NFKBIZ: variants seen among roughly 807,000 people sequenced by gnomAD.
The protein encoded by NFKBIZ is NFKB inhibitor zeta, also known as NF-kappa-B inhibitor zeta.
Under a neutral mutation model 76.8 loss-of-function variants are expected in NFKBIZ, and 19 were observed. The ratio of observed to expected loss-of-function variants is 0.25; its 90% CI spans 0.17 to 0.36. The LOEUF is 0.36. Ranked by LOEUF, NFKBIZ falls within the 10% of genes least tolerant of loss-of-function variation. The probability of loss-of-function intolerance (pLI) is 1.00; values close to 1 mark genes in which losing one functional copy is unlikely to be tolerated. For missense variants in NFKBIZ, 829 were observed against 910.9 expected (o/e 0.91, Z 1.16); for synonymous variants, 368 against 354.8 (o/e 1.04, Z -0.42).
chr3:101,829,343 A>G (rs1942611848), intron 1 of NFKBIZ, among the ~76,000 whole-genome samples: 1 of 152,220 alleles, frequency 6.6e-6, no homozygotes, highest in South Asian at 2.1e-4. Flanking sequence ...GACCGAGGTC[A>G]GCATAATCCA....
At chr3:101,833,255 G>C (rs926247009) in intron 2 of NFKBIZ, among the ~76,000 whole-genome samples, 1 of 152,214 alleles carries the variant, frequency 6.6e-6, no homozygotes, top group African/African-American at 2.4e-5. Context: ...AGCTACAAAG[G>C]TGATCCATAG....
At chr3:101,856,991 A>G (rs1446270551) in intron 9 of NFKBIZ, 82 bp from the exon 10 acceptor site, 6 of 979,308 alleles carry the variant, frequency 6.1e-6, no homozygotes, top group Non-Finnish European at 9.3e-6. Flanking sequence ...TCAGACATTC[A>G]GGAGACTGGG....
chr3:101,853,243 G>C lies in NFKBIZ; in HGVS notation c.717G>C (p.Trp239Cys). 6.2e-7 allele frequency: 1 copy of C among 1,614,100 alleles called. No homozygotes were observed. Among genetic ancestry groups the C allele is most frequent in the Non-Finnish European group, 8.5e-7 (1 of 1,180,030 alleles). Residue 239 changes from tryptophan (W) to cysteine (C), a missense_variant, in exon 5 of 12, where the codon TGG becomes TGC. Trp to Cys is a radical substitution (Grantham distance 215). Transcript: ENST00000326172. ...PVSLNTVQVS[W>C]LNPVVVPQSS... ...CCCTGAACACAGTTCAAGTTAGCTG[G>C]CTGAACCCCGTGGTGGTCCCTCAGA...
intron 2 of NFKBIZ, among the ~76,000 whole-genome samples, chr3:101,843,042 A>AC (rs1281423999): frequency 2.1e-4 from 32 of 150,874 alleles, no homozygotes; most frequent in African/African-American, 7.6e-4. Flanking sequence ...AAAAAAAAAA[A>AC]AAAAAACTTC....
Position 101,857,375 on chromosome 3 carries a change from G to A in NFKBIZ, c.2019G>A (p.Met673Ile). Residue 673 changes from methionine to isoleucine, a missense_variant, in exon 11 of 12, where the codon ATG becomes ATA. Met to Ile is a conservative substitution (Grantham distance 10). Transcript: ENST00000326172. ...LTQLDAVRLL[M>I]RKGADPSTRN... ...AATTAGATGCTGTCCGCCTGTTGATGAGGAAGGGAGCAGACCCAAGTACTC... is the reference window on the plus strand; with the variant it reads ...AATTAGATGCTGTCCGCCTGTTGATAAGGAAGGGAGCAGACCCAAGTACTC... 6.2e-7 allele frequency: 1 copy of A among 1,614,258 alleles called. No homozygotes were observed. The highest frequency in any genetic ancestry group is 8.5e-7 in the Non-Finnish European group (1 of 1,180,048).
intron 2 of NFKBIZ, among the ~76,000 whole-genome samples, chr3:101,837,241 T>A (rs1942731738): frequency 6.6e-6 from 1 of 152,162 alleles, no homozygotes; most frequent in South Asian, 2.1e-4. Flanking sequence ...TACTTGTATT[T>A]TATACAGGTG....
chr3:101,845,794 C>T (rs1942842597), upstream of NFKBIZ, among the ~76,000 whole-genome samples: 1 of 152,188 alleles, frequency 6.6e-6, no homozygotes, highest in Non-Finnish European at 1.5e-5. Flanking sequence ...CTTCCAGTAG[C>T]TTTGGATTAG....
chr3:101,855,302 C>G, intron 7 of NFKBIZ, 93 bp from the exon 8 acceptor site: 1 of 1,603,160 alleles, frequency 6.2e-7, no homozygotes. Flanking sequence ...TTGCAATGAT[C>G]TATTTTGAGT....
chr3:101,847,322 G>A (rs925509988), upstream of NFKBIZ, among the ~76,000 whole-genome samples: 2 of 152,178 alleles, frequency 1.3e-5, no homozygotes, highest in Non-Finnish European at 2.9e-5. Flanking sequence ...GAAGTCTTGT[G>A]TTTTCCACAG....
At chr3:101,832,139 A>ATGT (rs1942655666) in intron 2 of NFKBIZ, among the ~76,000 whole-genome samples, 1 of 151,798 alleles carries the variant, frequency 6.6e-6, no homozygotes, top group African/African-American at 2.4e-5. Context: ...GGGGCTTGCT[A>ATGT]TGTTACCCAG....
chr3:101,852,755 A>G lies in NFKBIZ; in HGVS notation c.447A>G (p.Ile149Met), dbSNP rs1241468558. 2 of 1,610,692 alleles carry G rather than the reference A, an allele frequency of 1.2e-6. No individual in the cohort carries two copies. The highest frequency in any genetic ancestry group is 2.2e-5 in the South Asian group (2 of 90,454). The change falls in exon 3 of 12, where the codon ATA becomes ATG. Residue 149 changes from isoleucine to methionine, a missense_variant. Around this residue, in one of 4 missense-constraint regions of NFKBIZ, gnomAD observed 371 missense variants for 332.3 expected, o/e 1.12. Coordinates refer to ENST00000326172, the MANE Select transcript of NFKBIZ (RefSeq NM_031419.4). Reference protein sequence around the residue: ...VDDFKTQGVNIEQFRELKNTV... With the variant: ...VDDFKTQGVNMEQFRELKNTV... ...CTTTATAGACACAAGGTGTGAACAT[A>G]GAACAGTTCAGAGGTAAGAGTTACT... is the stretch of plus-strand genomic sequence containing the variant.
chr3:101,843,931 G>C (rs1308397255), intron 2 of NFKBIZ, among the ~76,000 whole-genome samples: 1 of 152,186 alleles, frequency 6.6e-6, no homozygotes, highest in Non-Finnish European at 1.5e-5. Flanking sequence ...GTGTCCAACA[G>C]AAGTTTCCCA....
rs1943013365 is a variant in NFKBIZ at position 101,854,222 on chromosome 3, A to T, written c.1338-356A>T. ...TGTAGATTGATCTTAATCTGTCCTG[A>T]TGTCTTTGTGGCCTTGGGCAAGTTA... is the stretch of plus-strand genomic sequence containing the variant. On this transcript the variant is annotated intron_variant, in intron 5 of 11. Coordinates refer to ENST00000326172, the MANE Select transcript of NFKBIZ (RefSeq NM_031419.4). Among the ~76,000 whole-genome samples the T allele has an allele frequency of 3.3e-5, 5 of 152,148 alleles. No homozygotes were observed. In the South Asian group the frequency reaches 1.0e-3, roughly 32 times the overall value.
Position 101,860,602 on chromosome 3 carries a change from T to C in NFKBIZ, c.*1231T>C, listed in dbSNP as rs1000415953. On this transcript the variant is annotated 3_prime_UTR_variant, in exon 12 of 12. Coordinates refer to ENST00000326172, the MANE Select transcript of NFKBIZ (RefSeq NM_031419.4). ...AACAAAAAGTCAGTATTGAAACATA[T>C]CTTCCTGTTTTCTGTTGTCAAATGA... The C allele has an allele frequency of 4.6e-5, 7 of 152,188 alleles. No individual in the cohort carries two copies. The highest frequency in any genetic ancestry group is 1.0e-4 in the Non-Finnish European group (7 of 68,020). The allele number at this position is 152,188 out of a possible 1,614,324, so 9.4% of individuals were successfully genotyped here. A position where few individuals can be genotyped will look rare whatever the true frequency, so the allele number is the denominator to read the frequency against.
chr3:101,836,206 A>G (rs1206904916), intron 2 of NFKBIZ, among the ~76,000 whole-genome samples: 1 of 152,200 alleles, frequency 6.6e-6, no homozygotes, highest in Non-Finnish European at 1.5e-5. Flanking sequence ...GGTCAGAGCT[A>G]GTAATAGGAA....
intron 2 of NFKBIZ, among the ~76,000 whole-genome samples, chr3:101,831,213 G>A (rs1942642790): frequency 6.6e-6 from 1 of 152,072 alleles, no homozygotes; most frequent in Non-Finnish European, 1.5e-5. Context: ...ATCTCCAAGA[G>A]GGCAAAAATA....
At chr3:101,829,530 T>C (rs944585347) in intron 1 of NFKBIZ, 1 of 152,192 alleles carries the variant, frequency 6.6e-6, no homozygotes, top group African/African-American at 2.4e-5. Flanking sequence ...CTGAGACCAA[T>C]AATGAATTGC....
At chr3:101,858,361 C>T (rs1022218068) in intron 11 of NFKBIZ, 8 of 974,394 alleles carry the variant, frequency 8.2e-6, no homozygotes, top group Non-Finnish European at 8.5e-6. Context: ...AAGAACTTTA[C>T]AAGTTTCAAG....
intron 2 of NFKBIZ, among the ~76,000 whole-genome samples, chr3:101,833,316 A>T (rs1381670803): frequency 6.6e-6 from 1 of 152,166 alleles, no homozygotes; most frequent in Non-Finnish European, 1.5e-5. Flanking sequence ...CACTTTGAAG[A>T]TAGGAATTGT....
Sources: allele counts gnomAD v4.1 joint callset (sites outside exome capture counted in the v4.1 genomes callset), GRCh38; gene constraint gnomAD v4.1.1; regional missense constraint gnomAD v4.1.1; transcripts MANE v1.5; gene names NCBI Gene and HGNC (gene_info 2026-07-23, HGNC 2026-07-21).